PHACTR2: variants seen among roughly 807,000 people sequenced by gnomAD.
PHACTR2 encodes the protein phosphatase and actin regulator 2.
A neutral mutation model predicts 76.0 loss-of-function variants in PHACTR2; 30 were observed. The observed-to-expected ratio is 0.39, with a 90% CI of 0.30 to 0.54. The LOEUF (loss-of-function observed/expected upper bound fraction) is 0.54, where lower values mean the gene tolerates loss of function less well. PHACTR2 is among the 20% of genes least tolerant of loss of function. The pLI, the probability that PHACTR2 is intolerant of heterozygous loss-of-function variation, is 0.61. For synonymous variants in PHACTR2, 292 were observed against 292.5 expected (o/e 1.00, Z 0.02); for missense variants, 696 against 781.1 (o/e 0.89, Z 1.30).
At chr6:143,560,645 C>CTA (rs1273777003) in intron 1 of PHACTR2, among the ~76,000 whole-genome samples, 2 of 152,076 alleles carry the variant, frequency 1.3e-5, no homozygotes, top group African/African-American at 2.4e-5. Flanking sequence ...GTAATATGGG[C>CTA]TATAGTAGGA....
chr6:143,799,197 T>C (rs1775897899), intron 11 of PHACTR2, among the ~76,000 whole-genome samples: 1 of 152,220 alleles, frequency 6.6e-6, no homozygotes, highest in Non-Finnish European at 1.5e-5. Context: ...TATCCTCTGA[T>C]GGTAGTTTGT....
At position 143,623,631 on chromosome 6, in the gene PHACTR2, G is replaced by A. The variant is rs1292297320; in HGVS notation, c.13+15309G>A. ...TACCAAATGAGAGAGAAATAATTCT[G>A]AACTCTTGTTGAAAATCAGTTCATG... On this transcript the variant is annotated intron_variant, in intron 1 of 11. Transcript: ENST00000305766. The surrounding 1 kb of genome is among the most constrained non-coding windows in gnomAD (Gnocchi z 5.9). 1.3e-5 allele frequency among the ~76,000 whole-genome samples: 2 copies of A among 152,068 alleles called. No individual in the cohort carries two copies. The highest frequency in any genetic ancestry group is 1.9e-4 in the East Asian group (1 of 5,202).
chr6:143,567,619 G>C (rs1254736862), intron 1 of PHACTR2, among the ~76,000 whole-genome samples: 2 of 152,296 alleles, frequency 1.3e-5, no homozygotes, highest in South Asian at 2.1e-4. Flanking sequence ...GGCTGGTCTC[G>C]ATCTCCTGAC....
At chr6:143,729,864 A>G (rs1778661987) in intron 2 of PHACTR2, among the ~76,000 whole-genome samples, 2 of 152,004 alleles carry the variant, frequency 1.3e-5, no homozygotes, top group African/African-American at 4.8e-5. Flanking sequence ...TTGATGAAAT[A>G]CCATTTTTTT....
rs1779244730 is a variant in PHACTR2 at position 143,753,919 on chromosome 6, TA to T, written c.454+10del. ...CAGGCAGAAGATAAGAAAGGTAAAA[TA>T]AAGACAAACCCATATTATTTACTTT... On this transcript the variant is annotated splice_region_variant and intron_variant, in intron 4 of 12. Coordinates refer to ENST00000440869, the MANE Select transcript of PHACTR2 (RefSeq NM_001100164.2). This position sits in a 1 kb window ranked among gnomAD's most constrained non-coding sequence, Gnocchi z 4.6. The T allele has an allele frequency of 6.3e-7, 1 of 1,592,222 alleles. No individual in the cohort carries two copies. Among genetic ancestry groups the T allele is most frequent in the Non-Finnish European group, 8.5e-7 (1 of 1,172,330 alleles).
intron 9 of PHACTR2, among the ~76,000 whole-genome samples, chr6:143,779,611 G>A (rs1196976871): frequency 6.6e-6 from 1 of 152,142 alleles, no homozygotes; most frequent in Non-Finnish European, 1.5e-5. Context: ...GCCTCCCAAA[G>A]TGCTGGGATT....
upstream of PHACTR2, among the ~76,000 whole-genome samples, chr6:143,604,012 C>T (rs1775840336): frequency 6.7e-6 from 1 of 149,944 alleles, no homozygotes. Flanking sequence ...GCTCGAGAAT[C>T]ACTTGAACCC....
Position 143,671,974 on chromosome 6 carries a change from A to G in PHACTR2, c.14-40042A>G, listed in dbSNP as rs960837444. Among the ~76,000 whole-genome samples the G allele has an allele frequency of 4.6e-5, 7 of 152,184 alleles. No individual in the cohort carries two copies. The highest frequency in any genetic ancestry group is 3.4e-3 in the Middle Eastern group (1 of 294). ...TATGAAACAAGCCAGATTAAAAAAA[A>G]CTGTACATAATATTATTCCATTTGT... On this transcript the variant is annotated intron_variant, in intron 1 of 11. Transcript: ENST00000305766. This position sits in a 1 kb window ranked among gnomAD's most constrained non-coding sequence, Gnocchi z 4.6.
Position 143,618,076 on chromosome 6 carries a change from A to C in PHACTR2, c.13+9754A>C, listed in dbSNP as rs1334222882. Among the ~76,000 whole-genome samples the C allele has an allele frequency of 6.6e-6, 1 of 152,066 alleles. No homozygotes were observed. Among genetic ancestry groups the C allele is most frequent in the African/African-American group, 2.4e-5 (1 of 41,400 alleles). ...TATAATAGAAGAGGTACATTATTAG[A>C]CCCCCAAATAGCACTGCTATGATTT... On this transcript the variant is annotated intron_variant, in intron 1 of 11. Transcript: ENST00000305766. The surrounding 1 kb of genome is among the most constrained non-coding windows in gnomAD (Gnocchi z 5.2).
At chr6:143,702,913 A>T (rs959979193) in intron 1 of PHACTR2, among the ~76,000 whole-genome samples, 1 of 150,842 alleles carries the variant, frequency 6.6e-6, no homozygotes, top group Admixed American at 6.6e-5. Context: ...TTTCCCAGAA[A>T]CCAAGTAAGG....
upstream of PHACTR2, among the ~76,000 whole-genome samples, chr6:143,675,631 C>A (rs1031575318): frequency 1.1e-4 from 16 of 152,090 alleles, no homozygotes; most frequent in Non-Finnish European, 1.3e-4. This position sits in a 1 kb window ranked among gnomAD's most constrained non-coding sequence, Gnocchi z 4.9. Context: ...AAGGGTGGGA[C>A]CAATGGGATA....
At chr6:143,813,506 T>A (rs1260028877) in intron 12 of PHACTR2, among the ~76,000 whole-genome samples, 1 of 150,450 alleles carries the variant, frequency 6.6e-6, no homozygotes, top group Non-Finnish European at 1.5e-5. Context: ...TAGTGCCAGC[T>A]ACTCCAGAGG....
chr6:143,708,180 C>T lies in PHACTR2; in HGVS notation c.47-3836C>T, dbSNP rs1010488911. On this transcript the variant is annotated intron_variant, in intron 1 of 12. Transcript: ENST00000440869. The surrounding 1 kb of genome is among the most constrained non-coding windows in gnomAD (Gnocchi z 5.5). Reference sequence around the variant, plus strand: ...TTATATGGTCACATTTGCACTGGGACTGCCTAACTGATACATTTCTGTTTA... The same window carrying T: ...TTATATGGTCACATTTGCACTGGGATTGCCTAACTGATACATTTCTGTTTA... Among the ~76,000 whole-genome samples, 1 of 152,174 alleles carries T rather than the reference C, an allele frequency of 6.6e-6. No individual in the cohort carries two copies. Among genetic ancestry groups the T allele is most frequent in the Admixed American group, 6.5e-5 (1 of 15,284 alleles).
intron 1 of PHACTR2, among the ~76,000 whole-genome samples, chr6:143,628,926 T>G (rs1411489731): frequency 2.3e-3 from 7 of 3,074 alleles, no homozygotes; most frequent in African/African-American, 5.8e-3. Flanking sequence ...ATGCAGGAGA[T>G]ATATATATAT....
Position 143,549,007 on chromosome 6 carries a change from A to G in PHACTR2, c.217+11800A>G, listed in dbSNP as rs1337401686. On this transcript the variant is annotated intron_variant, in intron 1 of 11. Transcript: ENST00000367584. This position sits in a 1 kb window ranked among gnomAD's most constrained non-coding sequence, Gnocchi z 4.2. ...GGGGCACCTGTGGCTTGAGGAGTAT[A>G]AAGAGTACAGGGAAGAAGGCTTGGC... Among the ~76,000 whole-genome samples the G allele has an allele frequency of 1.3e-5, 2 of 151,872 alleles. No individual in the cohort carries two copies. Among genetic ancestry groups the G allele is most frequent in the African/African-American group, 4.8e-5 (2 of 41,382 alleles).
At position 143,709,320 on chromosome 6, in the gene PHACTR2, G is replaced by T. The variant is rs575340626; in HGVS notation, c.47-2696G>T. 2.0e-5 allele frequency among the ~76,000 whole-genome samples: 3 copies of T among 152,260 alleles called. No individual in the cohort carries two copies. Among genetic ancestry groups the T allele is most frequent in the Admixed American group, 2.0e-4 (3 of 15,278 alleles). On this transcript the variant is annotated intron_variant, in intron 1 of 12. Coordinates refer to ENST00000440869, the MANE Select transcript of PHACTR2 (RefSeq NM_001100164.2). The surrounding 1 kb of genome is among the most constrained non-coding windows in gnomAD (Gnocchi z 4.4). ...CACAGTGTCTGCCCATCTCTGCCCA[G>T]ATAGTACCTGAAATTAGAGTAGACT...
chr6:143,809,182 G>A lies in PHACTR2; in HGVS notation c.1922+2049G>A, dbSNP rs1206973661. On this transcript the variant is annotated intron_variant, in intron 12 of 12. Transcript: ENST00000440869. The surrounding 1 kb of genome is among the most constrained non-coding windows in gnomAD (Gnocchi z 4.2). The stretch of plus-strand genomic sequence containing the variant: ...AGCATGATATAAAGAACAAATTACA[G>A]TCAAAAGGAATCAAATTTTAAAAGT... Among the ~76,000 whole-genome samples, 1 of 152,136 alleles carries A rather than the reference G, an allele frequency of 6.6e-6. No homozygotes were observed. Among genetic ancestry groups the A allele is most frequent in the Non-Finnish European group, 1.5e-5 (1 of 68,016 alleles).
At chr6:143,692,421 C>T (rs1317463316) in intron 1 of PHACTR2, among the ~76,000 whole-genome samples, 1 of 152,170 alleles carries the variant, frequency 6.6e-6, no homozygotes, top group Admixed American at 6.5e-5. Context: ...CCTGACTGCG[C>T]TGTTTCATTT....
intron 11 of PHACTR2, among the ~76,000 whole-genome samples, chr6:143,805,900 A>C (rs1231399687): frequency 1.3e-5 from 2 of 152,220 alleles, no homozygotes; most frequent in Non-Finnish European, 2.9e-5. Context: ...AGCTAGAGAC[A>C]GGCCTCAGGG....
Sources: allele counts gnomAD v4.1 joint callset (sites outside exome capture counted in the v4.1 genomes callset), GRCh38; gene constraint gnomAD v4.1.1; non-coding constraint Gnocchi (gnomAD v3.1); transcripts MANE v1.5; gene names NCBI Gene and HGNC (gene_info 2026-07-23, HGNC 2026-07-21).